ZNF587B: variants seen among roughly 807,000 people sequenced by gnomAD.
The protein encoded by ZNF587B is zinc finger protein 587B.
Under a neutral mutation model 7.2 loss-of-function variants are expected in ZNF587B, and 6 were observed. That is an observed-to-expected ratio of 0.83 (90% CI 0.46 to 1.65). The LOEUF is 1.65. ZNF587B is among the 40% of genes most tolerant of loss of function. The pLI, the probability that ZNF587B is intolerant of heterozygous loss-of-function variation, is 0.01. For synonymous variants in ZNF587B, 274 were observed against 254.3 expected (o/e 1.08, Z -0.74); for missense variants, 749 against 761.0 (o/e 0.98, Z 0.19).
rs1988906453 is a variant in ZNF587B, at chr19:57,842,660, T to A, written c.*84T>A. ...TTGTGATTGCAGCAAATGTGGAAAATGTTTACCCAAAAGAAGTCTGCTCTC... is the reference window on the plus strand; with the variant it reads ...TTGTGATTGCAGCAAATGTGGAAAAAGTTTACCCAAAAGAAGTCTGCTCTC... On this transcript the variant is annotated 3_prime_UTR_variant, in exon 3 of 3. Coordinates refer to ENST00000594901, the MANE Select transcript of ZNF587B (RefSeq NM_001376223.1). 1 of 1,350,454 alleles carries A rather than the reference T, an allele frequency of 7.4e-7. No individual in the cohort carries two copies. The highest frequency in any genetic ancestry group is 3.3e-5 in the Admixed American group (1 of 30,020). The allele number at this position is 1,350,454 out of a possible 1,614,324, so 83.7% of individuals were successfully genotyped here.
intron 1 of ZNF587B, among the ~76,000 whole-genome samples, chr19:57,838,426 C>T (rs1481588964): frequency 6.6e-6 from 1 of 151,956 alleles, no homozygotes; most frequent in Non-Finnish European, 1.5e-5. Context: ...CATGATGAAA[C>T]CCCGTCTCTA....
At position 57,830,487 on chromosome 19, in the gene ZNF587B, G is replaced by A. The variant is rs1385010916; in HGVS notation, c.-42G>A. 1 of 1,547,834 alleles carries A rather than the reference G, an allele frequency of 6.5e-7. No homozygotes were observed. Among genetic ancestry groups the A allele is most frequent in the East Asian group, 2.4e-5 (1 of 40,912 alleles). On this transcript the variant is annotated 5_prime_UTR_variant, in exon 1 of 3. An upstream open reading frame in the 5' UTR gains an earlier in-frame stop. Coordinates refer to ENST00000594901, the MANE Select transcript of ZNF587B (RefSeq NM_001376223.1). The stretch of plus-strand genomic sequence containing the variant: ...CCGTCATGCCCATATCTCCTGGCTG[G>A]TCACCCTCTCCTCCCAACCCTGCTT...
chr19:57,837,014 CAATG>C (rs201252834), intron 1 of ZNF587B, among the ~76,000 whole-genome samples: 13,210 of 149,334 alleles, frequency 0.088, 1,658 homozygotes, highest in African/African-American at 0.28. Flanking sequence ...GCCTTTCGAT[CAATG>C]AATGGGACCA....
chr19:57,837,050 T>C (rs1381384994), intron 1 of ZNF587B, among the ~76,000 whole-genome samples: 4 of 152,104 alleles, frequency 2.6e-5, no homozygotes, highest in African/African-American at 9.6e-5. Context: ...TGTTATAGTT[T>C]GTAGTGAGTT....
rs572033980 is a variant in ZNF587B, at chr19:57,838,714, A to C, written c.37-309A>C. On this transcript the variant is annotated intron_variant, in intron 1 of 2. Coordinates refer to ENST00000594901, the MANE Select transcript of ZNF587B (RefSeq NM_001376223.1). Reference sequence around the variant, plus strand: ...ATGGAATGTACCTGGAAGTCTAAAGAATGAGGTGCGTTCAGAGAGGGTATC... The same window carrying C: ...ATGGAATGTACCTGGAAGTCTAAAGCATGAGGTGCGTTCAGAGAGGGTATC... Among the ~76,000 whole-genome samples, 5 of 152,262 alleles carry C rather than the reference A, an allele frequency of 3.3e-5. No homozygotes were observed. In the South Asian group the frequency reaches 1.0e-3, roughly 32 times the overall value.
rs151157964 is a variant in ZNF587B at position 57,844,041 on chromosome 19, C to T, written c.*1465C>T. On this transcript the variant is annotated 3_prime_UTR_variant, in exon 3 of 3. Transcript: ENST00000594901. ...GGGATTATAGGCGTGGCATAAGTCA[C>T]CATGCTGGGACTTTTTTATTTCTTT... Among the ~76,000 whole-genome samples the T allele has an allele frequency of 1.6e-3, 239 of 152,250 alleles. 1 individual carries two copies. Among genetic ancestry groups the T allele is most frequent in the Non-Finnish European group, 2.5e-3 (168 of 68,024 alleles).
At position 57,841,652 on chromosome 19, in the gene ZNF587B, T is replaced by C. The variant is rs552525082; in HGVS notation, c.978T>C (p.Tyr326=). Residue 326 remains tyrosine (Y), a synonymous_variant, in exon 3 of 3, where the codon TAT becomes TAC. Transcript: ENST00000594901. ...AAGTTCACGCTGGAAAAGGGCCTTA[T>C]GAGTGTGGAGAATGTGGGAAATCTT... ...HQKVHAGKGP[Y]ECGECGKSFS... is the part of the protein sequence containing the mutation. The C allele has an allele frequency of 1.1e-4, 171 of 1,602,630 alleles. 1 individual carries two copies. The highest frequency in any genetic ancestry group is 1.2e-4 in the Non-Finnish European group (137 of 1,174,486).
rs141458242 is a variant in ZNF587B at position 57,840,700 on chromosome 19, C to T, written c.164-138C>T. The T allele has an allele frequency of 5.2e-4, 806 of 1,564,722 alleles. 5 individuals carry two copies. The African/African-American group carries it at 9.7e-3, about 19-fold the overall frequency. ...GTCCAGTAATAATACATAGCACCAT[C>T]TTCCATCTGAAGCCAACATCCTGTT... is the stretch of plus-strand genomic sequence containing the variant. On this transcript the variant is annotated intron_variant, in intron 2 of 2. Transcript: ENST00000594901.
chr19:57,831,520 G>A (rs1465965466), intron 1 of ZNF587B, among the ~76,000 whole-genome samples: 1 of 151,808 alleles, frequency 6.6e-6, no homozygotes, highest in Non-Finnish European at 1.5e-5. Flanking sequence ...AGCCTCCCGA[G>A]TAGGTGTCAT....
chr19:57,831,541 C>T (rs1002470212), intron 1 of ZNF587B, among the ~76,000 whole-genome samples: 4 of 151,416 alleles, frequency 2.6e-5, no homozygotes, highest in African/African-American at 4.9e-5. Flanking sequence ...TACAGGCATG[C>T]GCCACTGCAC....
intron 1 of ZNF587B, among the ~76,000 whole-genome samples, chr19:57,832,739 C>G (rs1385395929): frequency 1.3e-5 from 2 of 152,258 alleles, no homozygotes. Flanking sequence ...GTGATCTAAG[C>G]TGAATCTACT....
rs1473880792 is a variant in ZNF587B at position 57,841,681 on chromosome 19, G to T, written c.1007G>T (p.Ser336Ile). The change falls in exon 3 of 3, where the codon AGT becomes ATT. Residue 336 changes from serine (S) to isoleucine (I), a missense_variant. Physicochemically the swap from Ser to Ile is moderately radical, Grantham distance 142 (BLOSUM62 -2). This residue lies in a region of ZNF587B where 656 missense variants were observed against 596.5 expected (regional missense o/e 1.10). Transcript: ENST00000594901. ...YECGECGKSF[S>I]SNVNLKSHQR... ...TGTGGAGAATGTGGGAAATCTTTTAGTTCAAACGTGAACCTTAAGAGTCAT... is the reference window on the plus strand; with the variant it reads ...TGTGGAGAATGTGGGAAATCTTTTATTTCAAACGTGAACCTTAAGAGTCAT... 8.1e-6 allele frequency: 13 copies of T among 1,605,108 alleles called. No homozygotes were observed. Among genetic ancestry groups the T allele is most frequent in the Non-Finnish European group, 1.1e-5 (13 of 1,175,924 alleles).
At chr19:57,836,979 A>AG (rs1168469452) in intron 1 of ZNF587B, among the ~76,000 whole-genome samples, 1 of 144,792 alleles carries the variant, frequency 6.9e-6, no homozygotes, top group Non-Finnish European at 1.5e-5. Context: ...AAAAAAAAAA[A>AG]AAGGAATGTA....
In ZNF587B at chr19:57,843,583, GTTGGTTGTTTTTTTTTGTTTTT is replaced by G. The variant is rs1212007450; in HGVS notation, c.*1010_*1031del. On this transcript the variant is annotated 3_prime_UTR_variant, in exon 3 of 3. Transcript: ENST00000594901. ...TTTTGTTTGGTTGGTTGGTTGGTTG[GTTGGTTGTTTTTTTTTGTTTTT>G]TTTTTTTTTTTTTTTGGAGACAAAG... is the stretch of plus-strand genomic sequence containing the variant. 2.3e-6 allele frequency: 2 copies of G among 862,844 alleles called. No homozygotes were observed. Among genetic ancestry groups the G allele is most frequent in the Non-Finnish European group, 2.7e-6 (2 of 754,252 alleles). The allele number at this position is 862,844 out of a possible 1,614,324, so 53.4% of individuals were successfully genotyped here.
chr19:57,832,819 T>C (rs1988470027), intron 1 of ZNF587B, among the ~76,000 whole-genome samples: 1 of 152,264 alleles, frequency 6.6e-6, no homozygotes, highest in African/African-American at 2.4e-5. Context: ...ACCTTTGTGG[T>C]CTTGAATAAG....
Position 57,844,382 on chromosome 19 carries a change from C to T in ZNF587B, c.*1806C>T, listed in dbSNP as rs112430794. On this transcript the variant is annotated 3_prime_UTR_variant, in exon 3 of 3. Transcript: ENST00000594901. The stretch of plus-strand genomic sequence containing the variant: ...GCCGGGCATGGTGGCGCACCTGTAG[C>T]CGCAGCTACTCAGGAGGCTGAGGCA... 0.049 allele frequency: 13,729 copies of T among 281,802 alleles called. 1,423 individuals are homozygous for T. Among genetic ancestry groups the T allele is most frequent in the African/African-American group, 0.25 (10,816 of 42,568 alleles). The allele number at this position is 281,802 out of a possible 1,614,324, so 17.5% of individuals were successfully genotyped here.
rs1224707777 is a variant in ZNF587B at position 57,841,823 on chromosome 19, G to C, written c.1149G>C (p.Lys383Asn). The C allele has an allele frequency of 6.2e-7, 1 of 1,612,140 alleles. No homozygotes were observed. The highest frequency in any genetic ancestry group is 2.2e-5 in the East Asian group (1 of 44,866). Residue 383 changes from lysine to asparagine, a missense_variant, in exon 3 of 3, where the codon AAG becomes AAC. Physicochemically the swap from Lys to Asn is moderately conservative, Grantham distance 94. Transcript: ENST00000594901. ...TTCACACTGAAGTAAGACCTTACAA[G>C]TGTGGAGAATGTGGGAAATCTTATA... Reference protein sequence around the residue: ...QRIHTEVRPYKCGECGKSYIS... With the variant: ...QRIHTEVRPYNCGECGKSYIS...
In ZNF587B at chr19:57,841,544, A is replaced by G. The variant is rs575404874; in HGVS notation, c.870A>G (p.Gln290=). The G allele has an allele frequency of 1.2e-4, 186 of 1,581,370 alleles. No individual in the cohort carries two copies. The East Asian group carries it at 1.4e-3, about 12-fold the overall frequency. ...SQKSSLIQHQ[Q]FHTGGKPYGC... is the part of the protein sequence containing the mutation. ...AGAGCAGCCTCATTCAACATCAGCA[A>G]TTTCACACTGGAGGAAAACCTTATG... Residue 290 remains glutamine, a synonymous_variant, in exon 3 of 3, where the codon CAA becomes CAG. Coordinates refer to ENST00000594901, the MANE Select transcript of ZNF587B (RefSeq NM_001376223.1).
chr19:57,842,566 A>G lies in ZNF587B; in HGVS notation c.1892A>G (p.Lys631Arg), dbSNP rs1200366644. The G allele has an allele frequency of 6.6e-7, 1 of 1,516,354 alleles. No individual in the cohort carries two copies. The highest frequency in any genetic ancestry group is 8.8e-7 in the Non-Finnish European group (1 of 1,139,322). The allele number at this position is 1,516,354 out of a possible 1,614,324, so 93.9% of individuals were successfully genotyped here. Reference protein sequence around the residue: ...LRYHQRVHERKAL With the variant: ...LRYHQRVHERRAL Reference sequence around the variant, plus strand: ...TACCATCAGAGAGTTCATGAAAGAAAGGCCTTATGAGTGCAGAGAATGAGT... The same window carrying G: ...TACCATCAGAGAGTTCATGAAAGAAGGGCCTTATGAGTGCAGAGAATGAGT... The change falls in exon 3 of 3, where the codon AAG (lysine) becomes AGG (arginine). Residue 631 changes from lysine to arginine, a missense_variant. Lys to Arg is a conservative substitution (Grantham distance 26). Around this residue, in one of 3 missense-constraint regions of ZNF587B, gnomAD observed 656 missense variants for 596.5 expected, o/e 1.10. Coordinates refer to ENST00000594901, the MANE Select transcript of ZNF587B (RefSeq NM_001376223.1).
Sources: allele counts gnomAD v4.1 joint callset (sites outside exome capture counted in the v4.1 genomes callset), GRCh38; gene constraint gnomAD v4.1.1; regional missense constraint gnomAD v4.1.1; transcripts MANE v1.5; gene names NCBI Gene and HGNC (gene_info 2026-07-23, HGNC 2026-07-21).